NEDD1: variants seen among roughly 807,000 people sequenced by gnomAD.
NEDD1 encodes NEDD1 gamma-tubulin ring complex targeting factor, also known as protein NEDD1.
Under a neutral mutation model 74.0 loss-of-function variants are expected in NEDD1, and 33 were observed. The observed-to-expected ratio is 0.45, with a 90% CI of 0.34 to 0.60. NEDD1 has a LOEUF of 0.60. Among genes scored for constraint, NEDD1 ranks in the 20% least tolerant of loss-of-function variants. NEDD1 has a pLI of 0.01. For synonymous variants in NEDD1, 250 were observed against 264.4 expected (o/e 0.95, Z 0.53); for missense variants, 746 against 776.5 (o/e 0.96, Z 0.47).
At chr12:96,943,440 G>T (rs1877865485) in intron 11 of NEDD1, 120 bp from the exon 12 acceptor site, 4 of 689,960 alleles carry the variant, frequency 5.8e-6, no homozygotes, top group Non-Finnish European at 1.0e-5. Context: ...AAACAAACCA[G>T]TCTTCAGAAT....
intron 14 of NEDD1, among the ~76,000 whole-genome samples, chr12:96,950,310 T>G (rs748019172): frequency 5.9e-5 from 9 of 152,006 alleles, no homozygotes; most frequent in Non-Finnish European, 8.8e-5. Context: ...AAGAACTCTG[T>G]TATACTGGTG....
intron 4 of NEDD1, among the ~76,000 whole-genome samples, chr12:96,915,640 T>G (rs1469496384): frequency 6.6e-6 from 1 of 152,228 alleles, no homozygotes; most frequent in Admixed American, 6.5e-5. Flanking sequence ...CTAATGTGAC[T>G]TCGTAGTGCA....
intron 2 of NEDD1, among the ~76,000 whole-genome samples, chr12:96,908,849 T>G (rs190164837): frequency 6.6e-6 from 1 of 152,142 alleles, no homozygotes; most frequent in Non-Finnish European, 1.5e-5. Flanking sequence ...AAGACTCTGG[T>G]GTGGGGAGAC....
intron 3 of NEDD1, among the ~76,000 whole-genome samples, chr12:96,911,152 C>T (rs1409283777): frequency 2.0e-5 from 3 of 152,056 alleles, no homozygotes. Flanking sequence ...TTAAAGAGAG[C>T]GACAAGTATA....
chr12:96,928,869 G>A (rs1451462638), intron 6 of NEDD1, among the ~76,000 whole-genome samples: 1 of 151,188 alleles, frequency 6.6e-6, no homozygotes, highest in Non-Finnish European at 1.5e-5. Flanking sequence ...TGTAGTTTTT[G>A]TAGTAGAGAT....
chr12:96,912,899 T>G, intron 4 of NEDD1, 82 bp downstream of exon 4: 3 of 689,036 alleles, frequency 4.4e-6, no homozygotes, highest in Non-Finnish European at 7.7e-6. Flanking sequence ...TGCTTGCGAC[T>G]AAATATAAAG....
At chr12:96,945,579 G>C (rs1391545032) in intron 13 of NEDD1, 114 bp from the exon 14 acceptor site, 1 of 626,200 alleles carries the variant, frequency 1.6e-6, no homozygotes, top group East Asian at 2.7e-5. Context: ...AATGTCACAG[G>C]AACACTCTTC....
At chr12:96,925,750 A>C (rs1378696148) in intron 6 of NEDD1, among the ~76,000 whole-genome samples, 1 of 152,232 alleles carries the variant, frequency 6.6e-6, no homozygotes, top group Non-Finnish European at 1.5e-5. Context: ...TGAATTAAAT[A>C]TATCTTTTAG....
intron 2 of NEDD1, among the ~76,000 whole-genome samples, chr12:96,909,052 G>C (rs1047075371): frequency 6.6e-6 from 1 of 151,612 alleles, no homozygotes; most frequent in African/African-American, 2.4e-5. Flanking sequence ...GGTGCATGCC[G>C]GTAATCCCAG....
At chr12:96,917,985 A>G (rs1422377132) in intron 5 of NEDD1, among the ~76,000 whole-genome samples, 1 of 151,854 alleles carries the variant, frequency 6.6e-6, no homozygotes, top group Non-Finnish European at 1.5e-5. Flanking sequence ...ATTTAGTTCT[A>G]CTCTTATTTG....
chr12:96,909,956 A>G (rs1467828060), intron 3 of NEDD1, 61 bp downstream of exon 3: 23 of 1,545,870 alleles, frequency 1.5e-5, no homozygotes, highest in Admixed American at 8.2e-5. Context: ...AGGTTAAACA[A>G]CCACTGTCAA....
intron 14 of NEDD1, among the ~76,000 whole-genome samples, chr12:96,946,854 C>A (rs1176221997): frequency 2.0e-5 from 3 of 152,266 alleles, no homozygotes; most frequent in African/African-American, 7.2e-5. Flanking sequence ...CAGCAAACCC[C>A]GTCAGCATCC....
intron 9 of NEDD1, among the ~76,000 whole-genome samples, chr12:96,939,372 T>C (rs1877439514): frequency 6.6e-6 from 1 of 152,210 alleles, no homozygotes; most frequent in African/African-American, 2.4e-5. Flanking sequence ...AAATTTCTTC[T>C]TTGTAACAAC....
In NEDD1 at chr12:96,945,725, G is replaced by A; in HGVS notation, c.1687G>A (p.Val563Ile). ...PKIASSVTAG[V>I]ASSLSEKIAD... is the part of the protein sequence containing the mutation. ...GATAGCATCTTCTGTCACTGCTGGAGTTGCCAGTTCACTCTCAGAAAAAAT... is the reference window on the plus strand; with the variant it reads ...GATAGCATCTTCTGTCACTGCTGGAATTGCCAGTTCACTCTCAGAAAAAAT... Residue 563 changes from valine to isoleucine, a missense_variant, in exon 14 of 16, where the codon GTT becomes ATT. By Grantham distance (29) the Val-to-Ile change is conservative. Transcript: ENST00000266742. The A allele has an allele frequency of 6.2e-7, 1 of 1,605,178 alleles. No individual in the cohort carries two copies. Among genetic ancestry groups the A allele is most frequent in the Non-Finnish European group, 8.5e-7 (1 of 1,172,000 alleles).
At chr12:96,944,272 G>T (rs1270076903) in intron 12 of NEDD1, among the ~76,000 whole-genome samples, 3 of 152,018 alleles carry the variant, frequency 2.0e-5, no homozygotes, top group Non-Finnish European at 4.4e-5. Flanking sequence ...ATATTGAAAA[G>T]ATACCATGTA....
At chr12:96,946,763 A>T (rs899928831) in intron 14 of NEDD1, among the ~76,000 whole-genome samples, 1 of 152,100 alleles carries the variant, frequency 6.6e-6, no homozygotes, top group Non-Finnish European at 1.5e-5. Context: ...AGAATAGAAC[A>T]CTGTTGACAA....
chr12:96,908,844 T>TC (rs1873597050), intron 2 of NEDD1, among the ~76,000 whole-genome samples: 1 of 152,162 alleles, frequency 6.6e-6, no homozygotes. Flanking sequence ...GTTTCAAGAC[T>TC]CTGGTGTGGG....
chr12:96,907,884 G>GC, intron 2 of NEDD1, 28 bp downstream of exon 2: 1 of 1,322,892 alleles, frequency 7.6e-7, no homozygotes, highest in Non-Finnish European at 9.7e-7. Flanking sequence ...CCTCTTCCCC[G>GC]CCCCGCTTTA....
intron 3 of NEDD1, 36 bp downstream of exon 3, chr12:96,909,931 C>T: frequency 1.1e-5 from 17 of 1,583,092 alleles, no homozygotes; most frequent in Non-Finnish European, 1.5e-5. Flanking sequence ...CACACACACA[C>T]ACAAACCGCT....
Sources: gnomAD v4.1 joint callset for allele counts (sites outside exome capture counted in the v4.1 genomes callset) on GRCh38, gnomAD v4.1.1 for gene constraint, MANE v1.5 for transcripts, NCBI Gene and HGNC (gene_info 2026-07-23, HGNC 2026-07-21) for gene names.